The following SDK2 variants were observed in gnomAD, a reference collection of about 807,000 sequenced individuals.
SDK2 encodes the protein protein sidekick-2.
Under a neutral mutation model 253.9 loss-of-function variants are expected in SDK2, and 105 were observed. The ratio of observed to expected loss-of-function variants is 0.41; its 90% confidence interval spans 0.35 to 0.49. The LOEUF (loss-of-function observed/expected upper bound fraction) is 0.49. Among genes scored for constraint, SDK2 ranks in the 20% least tolerant of loss-of-function variants. The pLI is 0.06. For synonymous variants in SDK2, 1,249 were observed against 1,234.9 expected (o/e 1.01, Z -0.24); for missense variants, 2,608 against 3,003.0 (o/e 0.87, Z 3.07).
intron 1 of SDK2, among the ~76,000 whole-genome samples, chr17:73,543,150 C>T (rs1156342123): frequency 2.0e-5 from 3 of 152,096 alleles, no homozygotes; most frequent in Admixed American, 6.5e-5. Flanking sequence ...GATGAGTGAC[C>T]GGCAGCCTTC....
chr17:73,343,481 C>A (rs554262742), intron 44 of SDK2, among the ~76,000 whole-genome samples: 14 of 152,218 alleles, frequency 9.2e-5, no homozygotes, highest in Non-Finnish European at 4.4e-5. Flanking sequence ...TCAATTCTCA[C>A]GGGCCTCGGT....
At chr17:73,547,963 T>C (rs2044991709) in intron 1 of SDK2, among the ~76,000 whole-genome samples, 1 of 152,178 alleles carries the variant, frequency 6.6e-6, no homozygotes, top group African/African-American at 2.4e-5. Flanking sequence ...GAAGCAAGCA[T>C]GTCTTACCAT....
chr17:73,487,909 T>C (rs2063779623), intron 2 of SDK2, among the ~76,000 whole-genome samples: 1 of 152,190 alleles, frequency 6.6e-6, no homozygotes, highest in Non-Finnish European at 1.5e-5. Flanking sequence ...AGACAACCCT[T>C]TACTCTGGTC....
intron 33 of SDK2, among the ~76,000 whole-genome samples, chr17:73,382,660 A>G (rs2145477067): frequency 6.6e-6 from 1 of 152,384 alleles, no homozygotes; most frequent in East Asian, 1.9e-4. Flanking sequence ...CTGTCCGCCA[A>G]TGCGGAATAC....
chr17:73,556,693 T>G (rs920787986), intron 1 of SDK2, among the ~76,000 whole-genome samples: 1 of 152,232 alleles, frequency 6.6e-6, no homozygotes, highest in East Asian at 1.9e-4. Flanking sequence ...TGAAAGGACT[T>G]CAGTAGATGT....
At chr17:73,569,484 C>T (rs2145864404) in intron 1 of SDK2, among the ~76,000 whole-genome samples, 1 of 152,182 alleles carries the variant, frequency 6.6e-6, no homozygotes, top group South Asian at 2.1e-4. Flanking sequence ...AGGCGTGAGG[C>T]ACCGTGCTGG....
chr17:73,356,283 A>AC (rs2062591535), intron 40 of SDK2, among the ~76,000 whole-genome samples: 1 of 151,766 alleles, frequency 6.6e-6, no homozygotes, highest in Non-Finnish European at 1.5e-5. Flanking sequence ...CTGCTGTTTA[A>AC]CCCCCCTTGT....
intron 2 of SDK2, among the ~76,000 whole-genome samples, chr17:73,478,931 A>T (rs537360482): frequency 2.0e-4 from 31 of 152,372 alleles, no homozygotes; most frequent in African/African-American, 7.2e-4. Context: ...ACATGTGCAC[A>T]CTTGTGCACA....
At position 73,612,511 on chromosome 17, in the gene SDK2, C is replaced by T. The variant is rs1240239110; in HGVS notation, c.64+31514G>A. On this transcript the variant is annotated intron_variant, in intron 1 of 44. Coordinates refer to ENST00000392650, the MANE Select transcript of SDK2 (RefSeq NM_001144952.2). This position sits in a 1 kb window ranked among gnomAD's most constrained non-coding sequence, Gnocchi z 4.4. The stretch of plus-strand genomic sequence containing the variant: ...AGGAGGCCAAGGGAAGGGAGTTCTG[C>T]AGCCGACAAGCCCAGGGTGGCAGCC... 4.6e-5 allele frequency among the ~76,000 whole-genome samples: 7 copies of T among 152,178 alleles called. No homozygotes were observed. Among genetic ancestry groups the T allele is most frequent in the Admixed American group, 4.6e-4 (7 of 15,272 alleles).
chr17:73,369,009 C>A (rs1420138050), intron 36 of SDK2, among the ~76,000 whole-genome samples: 2 of 137,484 alleles, frequency 1.5e-5, no homozygotes, highest in Non-Finnish European at 3.0e-5. Flanking sequence ...AAGACTCCAT[C>A]TCAAAAAAAA....
chr17:73,414,703 G>A lies in SDK2; in HGVS notation c.2425C>T (p.Arg809Cys), dbSNP rs746302299. 50 of 1,613,794 alleles carry A rather than the reference G, an allele frequency of 3.1e-5. No homozygotes were observed. Among genetic ancestry groups the A allele is most frequent in the Admixed American group, 5.0e-5 (3 of 60,000 alleles). Residue 809 changes from arginine (R) to cysteine (C), a missense_variant, in exon 18 of 45, where the codon CGC becomes TGC. By Grantham distance (180) the Arg-to-Cys change is radical. Coordinates refer to ENST00000392650, the MANE Select transcript of SDK2 (RefSeq NM_001144952.2). ...HAEATNSTTI[R>C]FTWNAPSPQF... ...GGGCTGGGGGCGTTCCAGGTGAAGC[G>A]GATGGTCGTGGAATTGGTGGCTTCC...
At chr17:73,556,470 C>T (rs536912479) in intron 1 of SDK2, among the ~76,000 whole-genome samples, 1 of 152,274 alleles carries the variant, frequency 6.6e-6, no homozygotes, top group South Asian at 2.1e-4. Flanking sequence ...CCCATCTGGG[C>T]GATGCTCACT....
In SDK2 at chr17:73,435,333, G is replaced by T. The variant is rs935840901; in HGVS notation, c.1195+117C>A. 8 of 1,053,290 alleles carry T rather than the reference G, an allele frequency of 7.6e-6. No individual in the cohort carries two copies. In the African/African-American group the frequency reaches 9.7e-5, roughly 13 times the overall value. The allele number at this position is 1,053,290 out of a possible 1,614,324, so 65.2% of individuals were successfully genotyped here. A position where few individuals can be genotyped will look rare whatever the true frequency, so the allele number is the denominator to read the frequency against. ...TGCTGGGCAGCAGGCGGCCTTTGGG[G>T]ATCCTATCTGCTTAATGGAACGTGC... On this transcript the variant is annotated intron_variant, in intron 9 of 44. Transcript: ENST00000392650. This position sits in a 1 kb window ranked among gnomAD's most constrained non-coding sequence, Gnocchi z 5.7.
intron 40 of SDK2, among the ~76,000 whole-genome samples, chr17:73,353,556 T>A (rs1568362459): frequency 6.6e-6 from 1 of 152,000 alleles, no homozygotes; most frequent in Non-Finnish European, 1.5e-5. Context: ...AAATCCACCA[T>A]GCCTGACTAA....
rs926882396 is a variant in SDK2, at chr17:73,335,089, T to C, written c.*3498A>G. The C allele has an allele frequency of 2.0e-5, 3 of 151,954 alleles. No individual in the cohort carries two copies. Among genetic ancestry groups the C allele is most frequent in the African/African-American group, 7.3e-5 (3 of 41,302 alleles). 9.4% of individuals were successfully genotyped at this position (151,954 alleles called of 1,614,324 possible). A position where few individuals can be genotyped will look rare whatever the true frequency, so the allele number is the denominator to read the frequency against. ...AGTGCCAGGTTTGGGGGTAGGAGTT[T>C]TGGGGGCCGGGGGGTGAGGGATGGA... On this transcript the variant is annotated 3_prime_UTR_variant, in exon 45 of 45. Transcript: ENST00000392650.
chr17:73,638,824 T>TTA (rs2046363147), intron 1 of SDK2, among the ~76,000 whole-genome samples: 1 of 150,906 alleles, frequency 6.6e-6, no homozygotes, highest in Non-Finnish European at 1.5e-5. Flanking sequence ...TTTTTTTTTT[T>TTA]AATGAGACAG....
rs535471443 is a variant in SDK2, at chr17:73,549,874, G to A, written c.65-42277C>T. On this transcript the variant is annotated intron_variant, in intron 1 of 44. Coordinates refer to ENST00000392650, the MANE Select transcript of SDK2 (RefSeq NM_001144952.2). ...ATTTCTGTAACAGAAAGATCACTCT[G>A]GCTGCAACGTAGTGGGGAACGCCAA... Among the ~76,000 whole-genome samples the A allele has an allele frequency of 7.2e-5, 11 of 152,250 alleles. No homozygotes were observed. In the South Asian group the frequency reaches 1.0e-3, roughly 14 times the overall value.
In SDK2 at chr17:73,334,769, A is replaced by C. The variant is rs1028413850; in HGVS notation, c.*3818T>G. Reference sequence around the variant, plus strand: ...TCAGGATTGCCATGTGCGCATGCCCATGGGTGTCCCTGGATAGGGCCATAC... The same window carrying C: ...TCAGGATTGCCATGTGCGCATGCCCCTGGGTGTCCCTGGATAGGGCCATAC... On this transcript the variant is annotated 3_prime_UTR_variant, in exon 45 of 45. Transcript: ENST00000392650. 2 of 152,242 alleles carry C rather than the reference A, an allele frequency of 1.3e-5. No individual in the cohort carries two copies. The highest frequency in any genetic ancestry group is 2.9e-5 in the Non-Finnish European group (2 of 68,110). 9.4% of individuals were successfully genotyped at this position (152,242 alleles called of 1,614,324 possible). A position where few individuals can be genotyped will look rare whatever the true frequency, so the allele number is the denominator to read the frequency against.
rs2063358122 is a variant in SDK2, at chr17:73,435,310, C to G, written c.1195+140G>C. 5.0e-6 allele frequency: 4 copies of G among 795,556 alleles called. No homozygotes were observed. In the South Asian group the frequency reaches 7.8e-5, roughly 16 times the overall value. 49.3% of individuals were successfully genotyped at this position (795,556 alleles called of 1,614,324 possible). A position where few individuals can be genotyped will look rare whatever the true frequency, so the allele number is the denominator to read the frequency against. ...GGTAACTGGCTGTGCCCCCAGGCTGCTGGGCAGCAGGCGGCCTTTGGGGAT... is the reference window on the plus strand; with the variant it reads ...GGTAACTGGCTGTGCCCCCAGGCTGGTGGGCAGCAGGCGGCCTTTGGGGAT... On this transcript the variant is annotated intron_variant, in intron 9 of 44. Coordinates refer to ENST00000392650, the MANE Select transcript of SDK2 (RefSeq NM_001144952.2). The surrounding 1 kb of genome is among the most constrained non-coding windows in gnomAD (Gnocchi z 5.7).
Sources: gnomAD v4.1 joint callset for allele counts (sites outside exome capture counted in the v4.1 genomes callset) on GRCh38, gnomAD v4.1.1 for gene constraint, Gnocchi (gnomAD v3.1) non-coding constraint, MANE v1.5 for transcripts, NCBI Gene and HGNC (gene_info 2026-07-23, HGNC 2026-07-21) for gene names.